The following DLGAP2 variants were observed in gnomAD, a reference collection of about 807,000 sequenced individuals.
The protein encoded by DLGAP2 is disks large-associated protein 2.
Under a neutral mutation model 100.3 loss-of-function variants are expected in DLGAP2, and 26 were observed. The ratio of observed to expected loss-of-function variants is 0.26; its 90% CI spans 0.19 to 0.36. The LOEUF (loss-of-function observed/expected upper bound fraction) is 0.36, where lower values mean the gene tolerates loss of function less well. DLGAP2 is among the 10% of genes least tolerant of loss of function. DLGAP2 has a pLI of 1.00. For missense variants in DLGAP2, 1,858 were observed against 1,453.2 expected (o/e 1.28, Z -4.53); for synonymous variants, 886 against 630.1 (o/e 1.41, Z -6.08).
chr8:1,289,752 T>TC (rs1800018678), intron 3 of DLGAP2, among the ~76,000 whole-genome samples: 1 of 151,894 alleles, frequency 6.6e-6, no homozygotes. Flanking sequence ...GAGCCCGGCC[T>TC]CCCCCGCGAA....
chr8:1,107,213 C>T, intron 2 of DLGAP2, among the ~76,000 whole-genome samples: 1 of 152,158 alleles, frequency 6.6e-6, no homozygotes, highest in Non-Finnish European at 1.5e-5. Context: ...GACTTTGCTC[C>T]AAGACTTGGT....
At chr8:1,225,640 A>G (rs944586848) in intron 2 of DLGAP2, among the ~76,000 whole-genome samples, 3 of 152,254 alleles carry the variant, frequency 2.0e-5, no homozygotes, top group Admixed American at 1.3e-4. Context: ...TTTTAAGCCA[A>G]TAAATTTGGT....
chr8:1,675,873 G>A (rs1563056309), intron 10 of DLGAP2, among the ~76,000 whole-genome samples: 1 of 151,892 alleles, frequency 6.6e-6, no homozygotes, highest in East Asian at 1.9e-4. Context: ...TTCCCTTGTG[G>A]GATAACTTCA....
chr8:1,295,042 A>T (rs950058693), intron 3 of DLGAP2, among the ~76,000 whole-genome samples: 1 of 152,212 alleles, frequency 6.6e-6, no homozygotes, highest in African/African-American at 2.4e-5. Context: ...ATCGCTGAGC[A>T]GAAGGAAAGG....
intron 3 of DLGAP2, chr8:1,297,340 G>C (rs117565253): frequency 0.019 from 2,951 of 152,432 alleles, 52 homozygotes; most frequent in Non-Finnish European, 0.029. Flanking sequence ...GAGTCTAGAG[G>C]TTGTTGGCCA....
intron 2 of DLGAP2, among the ~76,000 whole-genome samples, chr8:1,110,788 C>T (rs1443889966): frequency 6.7e-6 from 1 of 148,994 alleles, no homozygotes; most frequent in Non-Finnish European, 1.5e-5. Flanking sequence ...CAGACCCTCT[C>T]TCTCACATAC....
intron 1 of DLGAP2, among the ~76,000 whole-genome samples, chr8:765,813 G>A (rs1380829065): frequency 6.6e-6 from 1 of 151,986 alleles, no homozygotes; most frequent in Non-Finnish European, 1.5e-5. Flanking sequence ...ACGCGATGAT[G>A]CACACACAAA....
intron 2 of DLGAP2, among the ~76,000 whole-genome samples, chr8:966,607 A>G (rs999976707): frequency 6.6e-6 from 1 of 152,084 alleles, no homozygotes; most frequent in Non-Finnish European, 1.5e-5. Flanking sequence ...AGTTTATGCT[A>G]TGCACACTGC....
intron 2 of DLGAP2, among the ~76,000 whole-genome samples, chr8:1,149,820 C>G (rs984280634): frequency 4.6e-5 from 7 of 152,126 alleles, no homozygotes; most frequent in African/African-American, 1.7e-4. Context: ...GTCACTTTCA[C>G]TTTCAGTAGT....
intron 3 of DLGAP2, among the ~76,000 whole-genome samples, chr8:1,483,664 G>GCAGGGAGGCAGGTGCAGGAGGTGGGTAC (rs1799163577): frequency 8.2e-6 from 1 of 121,996 alleles, no homozygotes. Flanking sequence ...TCTACACAGA[G>GCAGGGAGGCAGGTGCAGGAGGTGGGTAC]CAGGGAGGCA....
chr8:1,434,460 G>A (rs1025916112), intron 3 of DLGAP2, among the ~76,000 whole-genome samples: 6 of 151,712 alleles, frequency 4.0e-5, no homozygotes, highest in African/African-American at 1.4e-4. Flanking sequence ...TACCTCCCGG[G>A]AGTGTCAGCA....
intron 1 of DLGAP2, among the ~76,000 whole-genome samples, chr8:789,469 C>G (rs563131105): frequency 2.0e-5 from 3 of 152,224 alleles, no homozygotes; most frequent in African/African-American, 4.8e-5. Context: ...AGTTACCCCC[C>G]ACCAGGCCCC....
chr8:1,488,756 T>C (rs573317411), intron 3 of DLGAP2, among the ~76,000 whole-genome samples: 1 of 152,328 alleles, frequency 6.6e-6, no homozygotes, highest in Non-Finnish European at 1.5e-5. Flanking sequence ...CGTTTTATCT[T>C]CTGCATTCAG....
rs1471543662 is a variant in DLGAP2 at position 1,417,667 on chromosome 8, C to CGG, written c.107-83699_107-83698insGG. 2.4e-3 allele frequency among the ~76,000 whole-genome samples: 335 copies of CGG among 141,608 alleles called. 25 individuals carry two copies. The highest frequency in any genetic ancestry group is 7.9e-3 in the Middle Eastern group (2 of 252). The allele number at this position is 141,608 out of a possible 152,430, so 92.9% of individuals were successfully genotyped here. ...CGGGGAGCCCCACTCCTGCCTCACT[C>CGG]CGCGAGGCTCCAGGGGGGCACAGGG... On this transcript the variant is annotated intron_variant, in intron 3 of 14. Coordinates refer to ENST00000637795, the MANE Select transcript of DLGAP2 (RefSeq NM_001346810.2).
At chr8:1,205,836 T>C (rs1340170026) in intron 2 of DLGAP2, among the ~76,000 whole-genome samples, 2 of 152,070 alleles carry the variant, frequency 1.3e-5, no homozygotes, top group African/African-American at 4.8e-5. Context: ...ACATCAAATC[T>C]GGAGTAGATA....
At chr8:1,089,776 C>G (rs1286583161) in intron 2 of DLGAP2, among the ~76,000 whole-genome samples, 1 of 152,190 alleles carries the variant, frequency 6.6e-6, no homozygotes, top group Non-Finnish European at 1.5e-5. Flanking sequence ...AAGGACATTC[C>G]TACAACATAT....
intron 5 of DLGAP2, among the ~76,000 whole-genome samples, chr8:1,555,952 AATC>A (rs142681236): frequency 0.013 from 1,910 of 152,304 alleles, 38 homozygotes; most frequent in African/African-American, 0.042. Context: ...GCACATTGGA[AATC>A]ATAACTCATG....
At chr8:1,346,498 C>T (rs934848711) in intron 3 of DLGAP2, among the ~76,000 whole-genome samples, 3 of 151,298 alleles carry the variant, frequency 2.0e-5, no homozygotes, top group Non-Finnish European at 4.4e-5. Flanking sequence ...CTGCATTGCT[C>T]TCATGATAGC....
intron 1 of DLGAP2, among the ~76,000 whole-genome samples, chr8:904,058 C>T (rs1798323705): frequency 6.6e-6 from 1 of 152,160 alleles, no homozygotes; most frequent in African/African-American, 2.4e-5. Context: ...GGTGGGGTGT[C>T]GGGAACCCTA....
Sources: allele counts gnomAD v4.1 joint callset (sites outside exome capture counted in the v4.1 genomes callset), GRCh38; gene constraint gnomAD v4.1.1; transcripts MANE v1.5; gene names NCBI Gene and HGNC (gene_info 2026-07-23, HGNC 2026-07-21).